MCF2L: variants seen among roughly 807,000 people sequenced by gnomAD.
MCF2L encodes MCF.2 cell line derived transforming sequence like, also known as guanine nucleotide exchange factor DBS.
A neutral mutation model predicts 153.4 loss-of-function variants in MCF2L; 97 were observed. That is an observed-to-expected ratio of 0.63 (90% CI 0.54 to 0.75). MCF2L has a LOEUF of 0.75. Among genes scored for constraint, MCF2L ranks in the 30% least tolerant of loss-of-function variants. The pLI, the probability that MCF2L is intolerant of heterozygous loss-of-function variation, is 0.00. For missense variants in MCF2L, 1,347 were observed against 1,495.2 expected, an observed-to-expected ratio of 0.90 and a Z score of 1.64; for synonymous variants, 659 against 632.2, an observed-to-expected ratio of 1.04 and a Z score of -0.64.
intron 11 of MCF2L, 90 bp from the exon 12 acceptor site, chr13:113,075,876 G>C: frequency 9.3e-7 from 1 of 1,072,492 alleles, no homozygotes. Context: ...GGGATCTGTC[G>C]GGAGGACACC....
chr13:113,006,213 C>A (rs1443948405), intron 1 of MCF2L, among the ~76,000 whole-genome samples: 6 of 152,236 alleles, frequency 3.9e-5, no homozygotes, highest in Non-Finnish European at 5.9e-5. Flanking sequence ...CTGTTGAGCC[C>A]GTGGCAGTGA....
At chr13:112,898,008 TC>T (rs1166021426) in intron 1 of MCF2L, among the ~76,000 whole-genome samples, 2 of 152,128 alleles carry the variant, frequency 1.3e-5, no homozygotes, top group African/African-American at 4.8e-5. Flanking sequence ...CGGCCCTGGG[TC>T]ATGGCTTTGC....
chr13:113,037,050 C>T (rs1026107509), intron 3 of MCF2L, among the ~76,000 whole-genome samples: 1 of 152,236 alleles, frequency 6.6e-6, no homozygotes, highest in Non-Finnish European at 1.5e-5. Flanking sequence ...TGCGGTCCAG[C>T]GGCCCTCCTG....
rs148595307 is a variant in MCF2L at position 112,935,878 on chromosome 13, C to A, written c.169+33507C>A. Among the ~76,000 whole-genome samples, 471 of 152,136 alleles carry A rather than the reference C, an allele frequency of 3.1e-3. 1 individual carries two copies. The highest frequency in any genetic ancestry group is 0.011 in the African/African-American group (452 of 41,514). On this transcript the variant is annotated intron_variant, in intron 2 of 29. Coordinates refer to the MCF2L transcript ENST00000375608. ...GGAAAAGGCCGTGTGATGATGGAGGCCAAGATGGGGTTGATGCGGCCACAA... is the reference window on the plus strand; with the variant it reads ...GGAAAAGGCCGTGTGATGATGGAGGACAAGATGGGGTTGATGCGGCCACAA...
intron 2 of MCF2L, among the ~76,000 whole-genome samples, chr13:112,946,299 C>A (rs1248419150): frequency 2.7e-5 from 4 of 148,970 alleles, no homozygotes; most frequent in Non-Finnish European, 5.9e-5. Context: ...AAAAAAAAAA[C>A]TATAGTAACT....
At chr13:113,007,894 A>T (rs74241901) in intron 1 of MCF2L, among the ~76,000 whole-genome samples, 1 of 136,546 alleles carries the variant, frequency 7.3e-6, no homozygotes, top group African/African-American at 2.6e-5. Flanking sequence ...ATGGGTTTTT[A>T]GTATGTGTAT....
intron 2 of MCF2L, chr13:112,957,559 C>T (rs888153429): frequency 6.6e-5 from 10 of 152,220 alleles, no homozygotes; most frequent in African/African-American, 1.9e-4. Context: ...GCCAGATAGA[C>T]GCCAGATAGA....
chr13:113,016,360 G>A (rs944546505), intron 2 of MCF2L, among the ~76,000 whole-genome samples: 2 of 152,160 alleles, frequency 1.3e-5, no homozygotes, highest in African/African-American at 4.8e-5. Context: ...GCCGCCCCAC[G>A]GGCAGCCGCC....
chr13:113,026,934 G>T (rs1322317556), intron 3 of MCF2L: 1 of 775,858 alleles, frequency 1.3e-6, no homozygotes, highest in South Asian at 1.4e-5. Context: ...TGCCGCGGGG[G>T]TCTCTCATCT....
upstream of MCF2L, chr13:112,964,831 G>A (rs933606778): frequency 6.6e-5 from 10 of 152,180 alleles, no homozygotes; most frequent in African/African-American, 2.2e-4. Context: ...AGACCTCTAG[G>A]TGATGCTGTT....
rs117872478 is a variant in MCF2L, at chr13:113,044,111, C to T, written c.279-1160C>T. On this transcript the variant is annotated intron_variant, in intron 3 of 29. Transcript: ENST00000535094. Reference sequence around the variant, plus strand: ...AATGGAGTCGCTGACTCGCCATGCTCGTGCACGTGCTTAGTGCCCACTGCA... The same window carrying T: ...AATGGAGTCGCTGACTCGCCATGCTTGTGCACGTGCTTAGTGCCCACTGCA... 2.3e-4 allele frequency: 37 copies of T among 164,140 alleles called. No individual in the cohort carries two copies. In the East Asian group the frequency reaches 5.4e-3, roughly 24 times the overall value. 10.2% of individuals were successfully genotyped at this position (164,140 alleles called of 1,614,324 possible). A position where few individuals can be genotyped will look rare whatever the true frequency, so the allele number is the denominator to read the frequency against.
intron 4 of MCF2L, among the ~76,000 whole-genome samples, chr13:113,050,273 A>ACTGT (rs1258256830): frequency 1.1e-4 from 10 of 94,894 alleles, no homozygotes; most frequent in Admixed American, 5.1e-4. Context: ...AATGTGTGTG[A>ACTGT]GACTGTGAGT....
In MCF2L at chr13:113,070,020, C is replaced by G; in HGVS notation, c.882-39C>G. 2 of 1,476,498 alleles carry G rather than the reference C, an allele frequency of 1.4e-6. No individual in the cohort carries two copies. Among genetic ancestry groups the G allele is most frequent in the African/African-American group, 2.8e-5 (2 of 71,104 alleles). The allele number at this position is 1,476,498 out of a possible 1,614,324, so 91.5% of individuals were successfully genotyped here. On this transcript the variant is annotated intron_variant, in intron 8 of 29. Transcript: ENST00000535094. This position sits in a 1 kb window ranked among gnomAD's most constrained non-coding sequence, Gnocchi z 5.6. Reference sequence around the variant, plus strand: ...CCGCGCTCCACGTTGCATGGGGCGCCGTGGGCCACACAGACGGTCAACTCC... The same window carrying G: ...CCGCGCTCCACGTTGCATGGGGCGCGGTGGGCCACACAGACGGTCAACTCC...
rs1307460157 is a variant in MCF2L, at chr13:112,952,612, T to TCTGGTGGGGAGA, written c.169+50241_169+50242insCTGGTGGGGAGA. On this transcript the variant is annotated intron_variant, in intron 2 of 29. Transcript: ENST00000375608. ...AATAGTTTGTGGATTGTTTGGGGCA[T>TCTGGTGGGGAGA]ATCTGGTGGGGAGAATCTGAAAGTT... is the stretch of plus-strand genomic sequence containing the variant. Among the ~76,000 whole-genome samples, 6 of 151,430 alleles carry TCTGGTGGGGAGA rather than the reference T, an allele frequency of 4.0e-5. No homozygotes were observed. The East Asian group carries it at 1.2e-3, about 29-fold the overall frequency.
At chr13:113,017,042 G>A (rs539572620) in intron 2 of MCF2L, among the ~76,000 whole-genome samples, 13 of 152,332 alleles carry the variant, frequency 8.5e-5, no homozygotes, top group Admixed American at 2.0e-4. Context: ...GCAGTACCAC[G>A]TCTGAGAAGG....
rs1401921160 is a variant in MCF2L, at chr13:113,024,727, A to C, written c.247A>C (p.Asn83His). The C allele has an allele frequency of 3.1e-6, 5 of 1,614,094 alleles. No homozygotes were observed. The highest frequency in any genetic ancestry group is 4.2e-6 in the Non-Finnish European group (5 of 1,180,034). ...CGAGATTCCGGACAAGGAGTTCCAG[A>C]ATGTCATGACCTACCTCACCAGCAT... ...FSEIPDKEFQ[N>H]VMTYLTSIPS... The change falls in exon 3 of 30, where the codon AAT becomes CAT. Residue 83 changes from asparagine (N) to histidine (H), a missense_variant. Coordinates refer to ENST00000535094, the MANE Select transcript of MCF2L (RefSeq NM_001112732.3).
chr13:113,038,865 T>G (rs1369997237), intron 3 of MCF2L, among the ~76,000 whole-genome samples: 1 of 152,186 alleles, frequency 6.6e-6, no homozygotes, highest in Non-Finnish European at 1.5e-5. Flanking sequence ...TTGATTTATT[T>G]ATTTATTTTT....
intron 20 of MCF2L, 22 bp downstream of exon 20, chr13:113,085,200 G>A (rs777876266): frequency 6.8e-6 from 11 of 1,608,232 alleles, no homozygotes; most frequent in Non-Finnish European, 1.7e-6. Flanking sequence ...GGTGACCGTG[G>A]CCCGGCCTCC....
At chr13:112,982,454 C>T (rs758564922) in intron 1 of MCF2L, among the ~76,000 whole-genome samples, 5 of 152,182 alleles carry the variant, frequency 3.3e-5, no homozygotes, top group African/African-American at 7.2e-5. Context: ...GCCCAGGCTC[C>T]GTGGCAGGTG....
Sources: gnomAD v4.1 joint callset for allele counts (sites outside exome capture counted in the v4.1 genomes callset) on GRCh38, gnomAD v4.1.1 for gene constraint, Gnocchi (gnomAD v3.1) non-coding constraint, MANE v1.5 for transcripts, NCBI Gene and HGNC (gene_info 2026-07-23, HGNC 2026-07-21) for gene names.